Variants in SAMD5 observed in about 807,000 individuals in gnomAD.
The protein encoded by SAMD5 is sterile alpha motif domain containing 5, also known as sterile alpha motif domain-containing protein 5.
Under a neutral mutation model 11.3 loss-of-function variants are expected in SAMD5, and 13 were observed. The ratio of observed to expected loss-of-function variants is 1.15; its 90% CI spans 0.75 to 1.83. The LOEUF (loss-of-function observed/expected upper bound fraction) is 1.83. SAMD5 is among the 40% of genes most tolerant of loss of function. SAMD5 has a pLI of 0.00. For synonymous variants in SAMD5, 129 were observed against 111.3 expected (o/e 1.16, Z -1.00); for missense variants, 255 against 239.1 (o/e 1.07, Z -0.44).
intron 1 of SAMD5, among the ~76,000 whole-genome samples, chr6:147,614,689 T>C (rs1326984877): frequency 6.6e-6 from 1 of 151,862 alleles, no homozygotes; most frequent in African/African-American, 2.4e-5. Context: ...GGGTTGGGGA[T>C]AGTATTGCCT....
chr6:147,871,841 G>A, the SAMD5 span, among the ~76,000 whole-genome samples: 3 of 152,068 alleles, frequency 2.0e-5, no homozygotes, highest in South Asian at 2.1e-4. Context: ...TTCCTGCTAC[G>A]TTCTAAATTT....
chr6:147,840,751 A>G, the SAMD5 span, among the ~76,000 whole-genome samples: 1 of 152,270 alleles, frequency 6.6e-6, no homozygotes, highest in Non-Finnish European at 1.5e-5. Flanking sequence ...TACTTCTTTC[A>G]AATGATGTAA....
At chr6:147,885,162 A>T in the SAMD5 span, among the ~76,000 whole-genome samples, 1 of 152,152 alleles carries the variant, frequency 6.6e-6, no homozygotes, top group African/African-American at 2.4e-5. Context: ...GACAGCTCTT[A>T]TAGTGTTGTC....
At chr6:147,900,410 A>C in the SAMD5 span, among the ~76,000 whole-genome samples, 1 of 152,244 alleles carries the variant, frequency 6.6e-6, no homozygotes, top group Non-Finnish European at 1.5e-5. Flanking sequence ...TTTGTCTTTC[A>C]TCATTTTGCT....
At chr6:147,804,402 G>A in the SAMD5 span, among the ~76,000 whole-genome samples, 3 of 152,060 alleles carry the variant, frequency 2.0e-5, no homozygotes, top group Non-Finnish European at 2.9e-5. Flanking sequence ...GAGCCACTGC[G>A]CCCAGCCTGA....
At chr6:147,858,483 T>C in the SAMD5 span, among the ~76,000 whole-genome samples, 1 of 152,198 alleles carries the variant, frequency 6.6e-6, no homozygotes, top group South Asian at 2.1e-4. Flanking sequence ...CCCTAGTTGA[T>C]TTATGAGGTC....
chr6:147,862,766 G>T, the SAMD5 span, among the ~76,000 whole-genome samples: 5 of 152,058 alleles, frequency 3.3e-5, no homozygotes, highest in Non-Finnish European at 5.9e-5. Flanking sequence ...CCCTATTCTT[G>T]TCACTTCCAA....
intron 1 of SAMD5, among the ~76,000 whole-genome samples, chr6:147,601,174 C>T (rs957430093): frequency 1.3e-5 from 2 of 152,160 alleles, no homozygotes; most frequent in African/African-American, 2.4e-5. Flanking sequence ...TGAGATCCAT[C>T]TTTTATTCTC....
chr6:147,945,522 A>T, the SAMD5 span, among the ~76,000 whole-genome samples: 10 of 152,336 alleles, frequency 6.6e-5, no homozygotes, highest in African/African-American at 2.4e-4. Context: ...CTATTTCTTA[A>T]GGATGGTGAA....
At chr6:147,706,709 C>T (rs1426734603) in intron 1 of SAMD5, among the ~76,000 whole-genome samples, 1 of 152,140 alleles carries the variant, frequency 6.6e-6, no homozygotes, top group Non-Finnish European at 1.5e-5. Flanking sequence ...CTTGAGTATG[C>T]GTGGATTTTG....
chr6:147,728,325 C>T (rs1051493811), intron 1 of SAMD5, among the ~76,000 whole-genome samples: 9 of 152,016 alleles, frequency 5.9e-5, no homozygotes, highest in East Asian at 3.9e-4. Context: ...GGCTGAGGCA[C>T]GAGAATTGCT....
At chr6:147,674,176 T>C (rs1333996725) in intron 1 of SAMD5, among the ~76,000 whole-genome samples, 3 of 152,216 alleles carry the variant, frequency 2.0e-5, no homozygotes, top group Admixed American at 2.0e-4. Context: ...AAGTGCTACA[T>C]GTCCCTGGAG....
chr6:147,790,727 G>T, the SAMD5 span, among the ~76,000 whole-genome samples: 1 of 133,366 alleles, frequency 7.5e-6, no homozygotes, highest in Non-Finnish European at 1.6e-5. Flanking sequence ...AAGATGAATT[G>T]GTCGATCTCT....
At chr6:147,595,649 C>A (rs1789518257) in intron 1 of SAMD5, among the ~76,000 whole-genome samples, 1 of 151,522 alleles carries the variant, frequency 6.6e-6, no homozygotes, top group African/African-American at 2.4e-5. Flanking sequence ...GCCTCAGCCT[C>A]CTGAGTAGCT....
chr6:147,805,846 C>T, the SAMD5 span, among the ~76,000 whole-genome samples: 23,121 of 152,054 alleles, frequency 0.15, 2,017 homozygotes, highest in African/African-American at 0.22. Flanking sequence ...TGAGATTGAA[C>T]GGCTTCATCA....
At chr6:147,928,102 A>T in the SAMD5 span, among the ~76,000 whole-genome samples, 1 of 152,186 alleles carries the variant, frequency 6.6e-6, no homozygotes, top group Non-Finnish European at 1.5e-5. Flanking sequence ...ATCAATGTTC[A>T]TCAAGGATAT....
intron 1 of SAMD5, among the ~76,000 whole-genome samples, chr6:147,557,476 T>C (rs1332886010): frequency 6.6e-6 from 1 of 152,204 alleles, no homozygotes; most frequent in Non-Finnish European, 1.5e-5. Context: ...TTCCTTGTCT[T>C]TTCCAGCTTC....
the SAMD5 span, among the ~76,000 whole-genome samples, chr6:147,900,870 C>T: frequency 6.6e-6 from 1 of 152,100 alleles, no homozygotes; most frequent in African/African-American, 2.4e-5. Context: ...AATGTTTTGC[C>T]TTATCTCGTT....
chr6:147,850,480 C>T, the SAMD5 span, among the ~76,000 whole-genome samples: 1 of 152,056 alleles, frequency 6.6e-6, no homozygotes, highest in Admixed American at 6.6e-5. Context: ...TTCATAATGC[C>T]AGGAGAAATA....
Sources: gnomAD v4.1 joint callset for allele counts (sites outside exome capture counted in the v4.1 genomes callset) on GRCh38, gnomAD v4.1.1 for gene constraint, MANE v1.5 for transcripts, NCBI Gene and HGNC (gene_info 2026-07-23, HGNC 2026-07-21) for gene names.